Variants in WNK2 observed in about 807,000 individuals in gnomAD.
WNK2 encodes serine/threonine-protein kinase WNK2.
WNK2 carries 67 observed loss-of-function variants against 192.1 expected under a neutral mutation model. The observed-to-expected ratio is 0.35, with a 90% confidence interval of 0.29 to 0.43. The LOEUF (loss-of-function observed/expected upper bound fraction) is 0.43, where lower values mean the gene tolerates loss of function less well. WNK2 is among the 20% of genes least tolerant of loss of function. WNK2 has a pLI of 1.00. For synonymous variants in WNK2, 1,439 were observed against 1,393.9 expected (o/e 1.03, Z -0.72); for missense variants, 2,698 against 3,089.7 (o/e 0.87, Z 3.01).
At chr9:93,195,699 C>CA (rs59357990) in intron 2 of WNK2, among the ~76,000 whole-genome samples, 962 of 41,560 alleles carry the variant, frequency 0.023, 89 homozygotes, top group East Asian at 0.16. Flanking sequence ...GACTTTGTCT[C>CA]AAAAAAAAAA....
chr9:93,218,582 A>G (rs1391862311), intron 2 of WNK2, among the ~76,000 whole-genome samples: 1 of 151,970 alleles, frequency 6.6e-6, no homozygotes, highest in Non-Finnish European at 1.5e-5. Flanking sequence ...CCCCATTTTC[A>G]TTTCATCCTG....
intron 2 of WNK2, among the ~76,000 whole-genome samples, chr9:93,197,846 G>T (rs554201141): frequency 2.8e-4 from 42 of 152,314 alleles, no homozygotes; most frequent in African/African-American, 1.0e-3. Context: ...GTACGACCGT[G>T]TGAGGTCGTG....
rs547005350 is a variant in WNK2 at position 93,303,549 on chromosome 9, G to A, written c.6215-3228G>A. 9.2e-5 allele frequency among the ~76,000 whole-genome samples: 14 copies of A among 152,258 alleles called. No individual in the cohort carries two copies. In the South Asian group the frequency reaches 1.0e-3, roughly 11 times the overall value. ...GGTGGGGAGAGAGTGCATGCTCAGC[G>A]AGGCTCTTTGCAGCAGGTGTTCAGG... On this transcript the variant is annotated intron_variant, in intron 26 of 29. Transcript: ENST00000427277.
At chr9:93,193,636 T>C (rs1830731911) in intron 2 of WNK2, among the ~76,000 whole-genome samples, 1 of 152,150 alleles carries the variant, frequency 6.6e-6, no homozygotes, top group African/African-American at 2.4e-5. Context: ...CCATAGACAA[T>C]TCAGGGCTGT....
rs778279374 is a variant in WNK2, at chr9:93,300,175, A to T, written c.6214+26A>T. 16 of 1,582,582 alleles carry T rather than the reference A, an allele frequency of 1.0e-5. No individual in the cohort carries two copies. In the Admixed American group the frequency reaches 2.7e-4, roughly 27 times the overall value. On this transcript the variant is annotated intron_variant, in intron 26 of 29. Transcript: ENST00000427277. ...GTCTGTATTTGTTCTTTTGTATTTT[A>T]TCACCTCCTGGCCCTTGGTTTTCTC...
rs1195664923 is a variant in WNK2 at position 93,185,230 on chromosome 9, C to T, written c.301C>T (p.Leu101=). The T allele has an allele frequency of 2.5e-5, 30 of 1,200,712 alleles. No individual in the cohort carries two copies. The highest frequency in any genetic ancestry group is 3.0e-5 in the Non-Finnish European group (29 of 970,466). 74.4% of individuals were successfully genotyped at this position (1,200,712 alleles called of 1,614,324 possible). Residue 101 remains leucine (L), a synonymous_variant, in exon 2 of 30, where the codon CTG becomes TTG. Coordinates refer to ENST00000427277, the MANE Select transcript of WNK2 (RefSeq NM_006648.4). ...CCCCGCCGCCCCCGCGCCCGCAGCG[C>T]TGGTAGCGCAGCCGGGAGCCCCCGG... ...GRPAAPAPAA[L]VAQPGAPGAP... is the part of the protein sequence containing the mutation.
intron 2 of WNK2, among the ~76,000 whole-genome samples, chr9:93,213,701 A>G (rs1835187400): frequency 6.6e-6 from 1 of 152,220 alleles, no homozygotes; most frequent in Non-Finnish European, 1.5e-5. Context: ...AGGCAGGAGA[A>G]TCGCTTGAAC....
intron 19 of WNK2, among the ~76,000 whole-genome samples, chr9:93,269,483 A>T (rs1372800854): frequency 6.6e-6 from 1 of 152,232 alleles, no homozygotes; most frequent in Non-Finnish European, 1.5e-5. Flanking sequence ...CATGGGGGAC[A>T]GGTCAGCCTA....
At chr9:93,268,605 C>T (rs1206557464) in intron 18 of WNK2, 22 bp from the exon 19 acceptor site, 1 of 1,602,062 alleles carries the variant, frequency 6.2e-7, no homozygotes, top group Non-Finnish European at 8.5e-7. Flanking sequence ...ACTCAGCGTG[C>T]TGTTTCTGTT....
rs866201111 is a variant in WNK2, at chr9:93,263,746, G to T, written c.3579+12G>T. The T allele has an allele frequency of 5.5e-5, 80 of 1,452,300 alleles. No homozygotes were observed. The highest frequency in any genetic ancestry group is 1.2e-4 in the African/African-American group (8 of 67,722). 90.0% of individuals were successfully genotyped at this position (1,452,300 alleles called of 1,614,324 possible). ...TTACCATCTTGAACGTGAGTGGGCG[G>T]GGCGTGGCGGGGGTGTGGTGGGGGT... is the stretch of plus-strand genomic sequence containing the variant. On this transcript the variant is annotated intron_variant, in intron 15 of 29. Coordinates refer to ENST00000427277, the MANE Select transcript of WNK2 (RefSeq NM_006648.4).
chr9:93,213,972 T>A (rs1337553236), intron 2 of WNK2, among the ~76,000 whole-genome samples: 1 of 152,330 alleles, frequency 6.6e-6, no homozygotes, highest in East Asian at 1.9e-4. Flanking sequence ...TGTACTGTTA[T>A]ATAATTTAGC....
intron 29 of WNK2, chr9:93,318,768 T>A (rs1046317690): frequency 4.2e-6 from 6 of 1,414,332 alleles, no homozygotes; most frequent in African/African-American, 2.9e-5. Flanking sequence ...GAGGGCGGGG[T>A]CATTCTTCTC....
chr9:93,297,693 C>T (rs1225391104), intron 23 of WNK2, among the ~76,000 whole-genome samples, 160 bp from the exon 24 acceptor site: 1 of 152,254 alleles, frequency 6.6e-6, no homozygotes, highest in Non-Finnish European at 1.5e-5. Context: ...TGTCATTTTA[C>T]AGCCCCTGTG....
chr9:93,292,310 G>C lies in WNK2; in HGVS notation c.4939G>C (p.Glu1647Gln). ...TAACGTTTCTGATGTTCCCATAGCA[G>C]AGTCGTCTCCCAGGAGTATGCTAGG... is the stretch of plus-strand genomic sequence containing the variant. ...EQGTSSSMTA[E>Q]SSPRSMLGYD... Residue 1647 changes from glutamate to glutamine, a missense_variant and splice_region_variant, in exon 22 of 30, where the codon GAG (glutamate) becomes CAG (glutamine). By Grantham distance (29) the Glu-to-Gln change is conservative (BLOSUM62 2). Transcript: ENST00000427277. 3 of 1,613,890 alleles carry C rather than the reference G, an allele frequency of 1.9e-6. No homozygotes were observed. The highest frequency in any genetic ancestry group is 2.5e-6 in the Non-Finnish European group (3 of 1,179,856).
chr9:93,256,630 T>C (rs1423273405), intron 10 of WNK2, 176 bp downstream of exon 10: 12 of 785,010 alleles, frequency 1.5e-5, no homozygotes, highest in Non-Finnish European at 2.1e-5. Context: ...TGCATGTGTT[T>C]GTGTGTGTAC....
chr9:93,282,165 G>T (rs1400660864), intron 19 of WNK2, among the ~76,000 whole-genome samples: 5 of 152,154 alleles, frequency 3.3e-5, no homozygotes, highest in Non-Finnish European at 7.3e-5. Context: ...TTATCAGGAG[G>T]CAGGAAATGC....
intron 23 of WNK2, among the ~76,000 whole-genome samples, chr9:93,294,457 T>G (rs975210954): frequency 3.9e-5 from 6 of 152,120 alleles, no homozygotes; most frequent in Non-Finnish European, 1.5e-5. Flanking sequence ...GGGTATGACC[T>G]AGAACCTTTT....
intron 2 of WNK2, among the ~76,000 whole-genome samples, chr9:93,224,392 G>A (rs998051220): frequency 6.6e-6 from 1 of 152,226 alleles, no homozygotes; most frequent in African/African-American, 2.4e-5. Context: ...CAGACACCCT[G>A]CCATGTTCAG....
chr9:93,221,103 T>C (rs955385922), intron 2 of WNK2, among the ~76,000 whole-genome samples: 3 of 152,062 alleles, frequency 2.0e-5, no homozygotes, highest in African/African-American at 7.2e-5. Flanking sequence ...AGCCCTGCGG[T>C]GGGGAGGGCG....
Sources: gnomAD v4.1 joint callset for allele counts (sites outside exome capture counted in the v4.1 genomes callset) on GRCh38, gnomAD v4.1.1 for gene constraint, MANE v1.5 for transcripts, NCBI Gene and HGNC (gene_info 2026-07-23, HGNC 2026-07-21) for gene names.